Variants in FARP1 observed in about 807,000 individuals in gnomAD.
FARP1 encodes the protein FERM, ARH/RhoGEF and pleckstrin domain protein 1.
Under a neutral mutation model 128.8 loss-of-function variants are expected in FARP1, and 52 were observed. The ratio of observed to expected loss-of-function variants is 0.40; its 90% CI spans 0.32 to 0.51. FARP1 has a LOEUF of 0.51. FARP1 is among the 20% of genes least tolerant of loss of function. The pLI is 0.45. For missense variants in FARP1, 1,333 were observed against 1,367.9 expected, an observed-to-expected ratio of 0.97 and a Z score of 0.40; for synonymous variants, 580 against 551.8, an observed-to-expected ratio of 1.05 and a Z score of -0.72.
intron 1 of FARP1, among the ~76,000 whole-genome samples, chr13:98,192,671 G>A (rs556691829): frequency 2.0e-5 from 3 of 152,150 alleles, no homozygotes; most frequent in Non-Finnish European, 4.4e-5. Flanking sequence ...GATTACAAGT[G>A]TGAGTCACTG....
At chr13:98,277,554 CT>C (rs1480733692) in intron 2 of FARP1, among the ~76,000 whole-genome samples, 1 of 152,162 alleles carries the variant, frequency 6.6e-6, no homozygotes, top group African/African-American at 2.4e-5. Flanking sequence ...AGTGCTGAGA[CT>C]TCCTCTGAGG....
intron 3 of FARP1, among the ~76,000 whole-genome samples, chr13:98,347,553 G>A (rs1803953550): frequency 6.7e-6 from 1 of 150,224 alleles, no homozygotes; most frequent in Non-Finnish European, 1.5e-5. Flanking sequence ...TCTGTGCAGT[G>A]GCATACAACA....
intron 2 of FARP1, among the ~76,000 whole-genome samples, chr13:98,247,458 C>A (rs1186820944): frequency 6.6e-6 from 1 of 152,130 alleles, no homozygotes; most frequent in African/African-American, 2.4e-5. Flanking sequence ...AGACAGACAC[C>A]CCAGTATGAC....
At chr13:98,225,991 G>A (rs1395649186) in intron 2 of FARP1, among the ~76,000 whole-genome samples, 1 of 136,678 alleles carries the variant, frequency 7.3e-6, no homozygotes, top group Non-Finnish European at 1.7e-5. Context: ...CATTGGGGGA[G>A]CACTTTAGTT....
chr13:98,292,009 T>G lies in FARP1; in HGVS notation c.172-51753T>G, dbSNP rs138455620. ...CTTTGGAGAGCAAACTAAACTTGGG[T>G]GGGTGGATATTGAAAAGGCTTTTCC... On this transcript the variant is annotated intron_variant, in intron 2 of 26. Transcript: ENST00000319562. 1.2e-4 allele frequency among the ~76,000 whole-genome samples: 18 copies of G among 152,254 alleles called. No homozygotes were observed. The East Asian group carries it at 3.5e-3, about 29-fold the overall frequency.
chr13:98,332,395 T>A (rs1887548226), intron 2 of FARP1: 1 of 152,206 alleles, frequency 6.6e-6, no homozygotes, highest in African/African-American at 2.4e-5. Context: ...AGTATCTGGT[T>A]AGAACTCTGA....
At chr13:98,252,592 G>A (rs1883396159) in intron 2 of FARP1, among the ~76,000 whole-genome samples, 1 of 152,194 alleles carries the variant, frequency 6.6e-6, no homozygotes, top group Non-Finnish European at 1.5e-5. Context: ...CAAATGCTGA[G>A]ATTTCCTCTC....
At chr13:98,349,799 T>TCTGTCCTC (rs1888339022) in intron 3 of FARP1, among the ~76,000 whole-genome samples, 1 of 152,132 alleles carries the variant, frequency 6.6e-6, no homozygotes. Flanking sequence ...TCATTCATTT[T>TCTGTCCTC]CTGTCCTCCA....
chr13:98,282,294 GGAAAAAA>G (rs1418861468), intron 2 of FARP1, among the ~76,000 whole-genome samples: 2 of 151,506 alleles, frequency 1.3e-5, no homozygotes, highest in African/African-American at 2.4e-5. Flanking sequence ...TCTCAAAAAA[GGAAAAAA>G]CAAAAAACAA....
At chr13:98,320,106 T>G (rs1886925673) in intron 2 of FARP1, among the ~76,000 whole-genome samples, 1 of 152,154 alleles carries the variant, frequency 6.6e-6, no homozygotes, top group African/African-American at 2.4e-5. Context: ...AGCTCTTCGG[T>G]GCCTGCCGTC....
chr13:98,453,209 T>C lies in FARP1; in HGVS notation c.*4892T>C, dbSNP rs1893282286. 1.9e-6 allele frequency: 3 copies of C among 1,612,850 alleles called. No homozygotes were observed. Among genetic ancestry groups the C allele is most frequent in the Middle Eastern group, 1.6e-4 (1 of 6,078 alleles). On this transcript the variant is annotated 3_prime_UTR_variant, in exon 27 of 27. Coordinates refer to ENST00000319562, the MANE Select transcript of FARP1 (RefSeq NM_005766.4). ...AAGTTCCTCCACCACTTAGAGAGTATCTAGGGAAAAAGAGAGAGAGAGAAG... is the reference window on the plus strand; with the variant it reads ...AAGTTCCTCCACCACTTAGAGAGTACCTAGGGAAAAAGAGAGAGAGAGAAG...
At chr13:98,264,700 T>C (rs757051220) in intron 2 of FARP1, among the ~76,000 whole-genome samples, 1 of 152,204 alleles carries the variant, frequency 6.6e-6, no homozygotes, top group South Asian at 2.1e-4. Context: ...GTAAGAATTC[T>C]ATAGTAAGAA....
intron 1 of FARP1, among the ~76,000 whole-genome samples, chr13:98,151,508 A>C (rs774697): frequency 0.91 from 137,968 of 152,008 alleles, 64,095 homozygotes; most frequent in East Asian, 1. Context: ...CCCACAGAAG[A>C]TCAATGATAA....
chr13:98,385,530 G>C (rs1890062248), intron 7 of FARP1, 137 bp from the exon 8 acceptor site: 1 of 863,498 alleles, frequency 1.2e-6, no homozygotes, highest in Non-Finnish European at 1.9e-6. Context: ...GGGAGATTGG[G>C]TGTCATCTGA....
At chr13:98,396,339 G>A (rs1890545138) in intron 13 of FARP1, 1 of 399,068 alleles carries the variant, frequency 2.5e-6, no homozygotes, top group African/African-American at 2.1e-5. Flanking sequence ...CAGACTCTGA[G>A]ATGCTGATCC....
intron 2 of FARP1, among the ~76,000 whole-genome samples, chr13:98,237,218 C>T (rs1245657607): frequency 2.0e-5 from 3 of 151,606 alleles, no homozygotes; most frequent in South Asian, 2.1e-4. Flanking sequence ...GCAGGAGAAT[C>T]GCTTGAACCT....
intron 2 of FARP1, among the ~76,000 whole-genome samples, chr13:98,285,432 GC>G (rs1283041444): frequency 2.0e-5 from 3 of 152,014 alleles, no homozygotes; most frequent in Non-Finnish European, 4.4e-5. Context: ...ATCTCAAAGA[GC>G]CCCTGGGAAG....
chr13:98,244,231 C>G (rs1352894934), intron 2 of FARP1, among the ~76,000 whole-genome samples: 1 of 152,064 alleles, frequency 6.6e-6, no homozygotes, highest in Non-Finnish European at 1.5e-5. Context: ...TTTGGTTTTC[C>G]CAGCAAACAC....
chr13:98,442,790 C>T lies in FARP1; in HGVS notation c.2796+1954C>T, dbSNP rs549662625. Reference sequence around the variant, plus strand: ...CTCACCTGTGGGCGTGTGTCTGAAACGAAGCCAGTCGATGTGTGGCGCCGC... The same window carrying T: ...CTCACCTGTGGGCGTGTGTCTGAAATGAAGCCAGTCGATGTGTGGCGCCGC... On this transcript the variant is annotated intron_variant, in intron 24 of 26. Coordinates refer to ENST00000319562, the MANE Select transcript of FARP1 (RefSeq NM_005766.4). Among the ~76,000 whole-genome samples the T allele has an allele frequency of 8.5e-5, 13 of 152,334 alleles. No homozygotes were observed. In the South Asian group the frequency reaches 2.3e-3, roughly 27 times the overall value.
Sources: gnomAD v4.1 joint callset for allele counts (sites outside exome capture counted in the v4.1 genomes callset) on GRCh38, gnomAD v4.1.1 for gene constraint, MANE v1.5 for transcripts, NCBI Gene and HGNC (gene_info 2026-07-23, HGNC 2026-07-21) for gene names.